Variants in SPTBN1 observed in about 807,000 individuals in gnomAD.
The protein encoded by SPTBN1 is spectrin beta, non-erythrocytic 1, also known as spectrin beta chain, non-erythrocytic 1.
A neutral mutation model predicts 266.4 loss-of-function variants in SPTBN1; 32 were observed. The observed-to-expected ratio is 0.12, with a 90% confidence interval of 0.09 to 0.16. The LOEUF (loss-of-function observed/expected upper bound fraction) is 0.16. Among genes scored for constraint, SPTBN1 ranks in the 10% least tolerant of loss-of-function variants. The pLI, the probability that SPTBN1 is intolerant of heterozygous loss-of-function variation, is 1.00. For missense variants in SPTBN1, 2,296 were observed against 3,067.1 expected (o/e 0.75, Z 5.94); for synonymous variants, 1,336 against 1,162.2 (o/e 1.15, Z -3.04).
intron 1 of SPTBN1, among the ~76,000 whole-genome samples, chr2:54,505,920 C>T (rs986216334): frequency 1.3e-5 from 2 of 151,822 alleles, no homozygotes; most frequent in African/African-American, 4.8e-5. Flanking sequence ...GTCAGGAGAT[C>T]GAGACCATCC....
Position 54,540,963 on chromosome 2 carries a change from C to T in SPTBN1, c.148+14397C>T, listed in dbSNP as rs116111845. Among the ~76,000 whole-genome samples the T allele has an allele frequency of 5.6e-3, 847 of 152,304 alleles. 8 individuals carry two copies. Among genetic ancestry groups the T allele is most frequent in the African/African-American group, 0.019 (804 of 41,566 alleles). ...GAGCACAAGTGGAGGAGAATGTTGTCGTCGTTTTAACTGATGTGTAATTTA... is the reference window on the plus strand; with the variant it reads ...GAGCACAAGTGGAGGAGAATGTTGTTGTCGTTTTAACTGATGTGTAATTTA... On this transcript the variant is annotated intron_variant, in intron 2 of 35. Coordinates refer to ENST00000356805, the MANE Select transcript of SPTBN1 (RefSeq NM_003128.3). This position sits in a 1 kb window ranked among gnomAD's most constrained non-coding sequence, Gnocchi z 5.6.
chr2:54,479,743 G>C (rs1002185869), intron 1 of SPTBN1, among the ~76,000 whole-genome samples: 1 of 152,150 alleles, frequency 6.6e-6, no homozygotes, highest in South Asian at 2.1e-4. Flanking sequence ...TTGGCACATA[G>C]CTATTCAATA....
At chr2:54,582,327 G>A (rs923572987) in intron 2 of SPTBN1, among the ~76,000 whole-genome samples, 3 of 152,084 alleles carry the variant, frequency 2.0e-5, no homozygotes, top group Admixed American at 1.3e-4. Context: ...CCTGAGAGCA[G>A]GGACTCCTTG....
chr2:54,610,056 T>C (rs964978993), intron 3 of SPTBN1, among the ~76,000 whole-genome samples: 1 of 152,208 alleles, frequency 6.6e-6, no homozygotes, highest in Non-Finnish European at 1.5e-5. Context: ...CATTAAAAAC[T>C]TGTTGAGGCA....
intron 3 of SPTBN1, among the ~76,000 whole-genome samples, chr2:54,611,522 C>T (rs62134706): frequency 0.14 from 21,146 of 152,028 alleles, 1,566 homozygotes; most frequent in Middle Eastern, 0.23. Flanking sequence ...TGTTCACCTT[C>T]CAAGGGCCTC....
chr2:54,643,711 C>T (rs1679732893), intron 19 of SPTBN1, among the ~76,000 whole-genome samples: 2 of 151,998 alleles, frequency 1.3e-5, no homozygotes, highest in East Asian at 1.9e-4. Flanking sequence ...TGGCAGGGCA[C>T]GGTGGCTCAT....
At chr2:54,552,042 G>C (rs965202894) in intron 2 of SPTBN1, among the ~76,000 whole-genome samples, 2 of 152,174 alleles carry the variant, frequency 1.3e-5, no homozygotes, top group Non-Finnish European at 2.9e-5. Flanking sequence ...AGGGAAGGGA[G>C]GGGTATCAGT....
At chr2:54,591,001 A>C (rs1204188638) in intron 2 of SPTBN1, among the ~76,000 whole-genome samples, 1 of 152,202 alleles carries the variant, frequency 6.6e-6, no homozygotes, top group African/African-American at 2.4e-5. Context: ...GGGGTCTGAA[A>C]CCACCCAAAT....
chr2:54,619,359 T>C (rs371653148), intron 7 of SPTBN1, among the ~76,000 whole-genome samples: 3 of 152,234 alleles, frequency 2.0e-5, no homozygotes, highest in East Asian at 3.8e-4. Context: ...CCTATCTTAC[T>C]ATGGGAAGGA....
chr2:54,623,629 A>G, intron 10 of SPTBN1, 33 bp downstream of exon 10: 1 of 1,559,812 alleles, frequency 6.4e-7, no homozygotes, highest in Non-Finnish European at 8.8e-7. Context: ...ATGGGCCCTG[A>G]CCTCCTGGAG....
At chr2:54,594,033 A>G (rs973320044) in intron 2 of SPTBN1, among the ~76,000 whole-genome samples, 1 of 151,958 alleles carries the variant, frequency 6.6e-6, no homozygotes, top group Non-Finnish European at 1.5e-5. Flanking sequence ...GGGTTTCACC[A>G]TGTTGGTCAG....
chr2:54,477,113 G>T (rs192492475), intron 1 of SPTBN1, among the ~76,000 whole-genome samples: 61 of 152,174 alleles, frequency 4.0e-4, no homozygotes, highest in Admixed American at 2.9e-3. Context: ...CTGAAATGAG[G>T]GCTCTGATAA....
chr2:54,601,455 G>C (rs1455518126), intron 3 of SPTBN1, among the ~76,000 whole-genome samples: 2 of 152,154 alleles, frequency 1.3e-5, no homozygotes, highest in Non-Finnish European at 2.9e-5. Context: ...TCAAGTTAAA[G>C]ATCCTCCCTG....
chr2:54,601,272 T>C (rs1433656008), intron 3 of SPTBN1, among the ~76,000 whole-genome samples: 2 of 152,236 alleles, frequency 1.3e-5, no homozygotes, highest in Non-Finnish European at 2.9e-5. Context: ...TTGGCCAGTC[T>C]AATTTTCTTA....
At chr2:54,568,500 T>C (rs1673828902) in intron 2 of SPTBN1, among the ~76,000 whole-genome samples, 1 of 152,098 alleles carries the variant, frequency 6.6e-6, no homozygotes, top group African/African-American at 2.4e-5. Flanking sequence ...TTTAACTAAA[T>C]ATAAAAATAA....
In SPTBN1 at chr2:54,621,451, C is replaced by G; in HGVS notation, c.815C>G (p.Thr272Ser). 6.2e-7 allele frequency: 1 copy of G among 1,614,128 alleles called. No individual in the cohort carries two copies. Among genetic ancestry groups the G allele is most frequent in the Non-Finnish European group, 8.5e-7 (1 of 1,179,996 alleles). Residue 272 changes from threonine (T) to serine (S), a missense_variant, in exon 8 of 36, where the codon ACT becomes AGT. By Grantham distance (58) the Thr-to-Ser change is moderately conservative. This residue lies in a region of SPTBN1 where 178 missense variants were observed against 375.7 expected (regional missense o/e 0.47). Coordinates refer to ENST00000356805, the MANE Select transcript of SPTBN1 (RefSeq NM_003128.3). ...DEKSIITYVV[T>S]YYHYFSKMKA... ...AAGTCCATAATCACTTATGTGGTGA[C>G]TTATTACCACTACTTCTCTAAGATG...
intron 26 of SPTBN1, 71 bp downstream of exon 26, chr2:54,650,060 G>A: frequency 2.0e-6 from 3 of 1,519,050 alleles, no homozygotes; most frequent in Non-Finnish European, 2.6e-6. Flanking sequence ...GCATCTGTAA[G>A]TATCTCCCTG....
intron 18 of SPTBN1, among the ~76,000 whole-genome samples, chr2:54,639,161 T>TA (rs1679361349): frequency 6.6e-6 from 1 of 152,252 alleles, no homozygotes; most frequent in South Asian, 2.1e-4. Flanking sequence ...GATACTCACT[T>TA]ACAGAGGCAT....
At chr2:54,585,568 T>C (rs901185167) in intron 2 of SPTBN1, among the ~76,000 whole-genome samples, 1 of 152,240 alleles carries the variant, frequency 6.6e-6, no homozygotes, top group Non-Finnish European at 1.5e-5. Flanking sequence ...TTAGCAGAAG[T>C]GTTTTTCAGT....
Sources: allele counts gnomAD v4.1 joint callset (sites outside exome capture counted in the v4.1 genomes callset), GRCh38; gene constraint gnomAD v4.1.1; regional missense constraint gnomAD v4.1.1; non-coding constraint Gnocchi (gnomAD v3.1); transcripts MANE v1.5; gene names NCBI Gene and HGNC (gene_info 2026-07-23, HGNC 2026-07-21).